MITF: variants seen among roughly 807,000 people sequenced by gnomAD.
The protein encoded by MITF is microphthalmia-associated transcription factor.
In MITF, 17 loss-of-function variants were observed where a neutral mutation model predicts 60.5. The observed-to-expected ratio is 0.28, with a 90% CI of 0.19 to 0.42. The LOEUF is 0.42. Among genes scored for constraint, MITF ranks in the 10% least tolerant of loss-of-function variants. MITF has a pLI of 1.00. For missense variants in MITF, 622 were observed against 683.5 expected, an observed-to-expected ratio of 0.91 and a Z score of 1.00; for synonymous variants, 260 against 248.5, an observed-to-expected ratio of 1.05 and a Z score of -0.43.
In MITF at chr3:69,759,944, A is replaced by AT. The variant is rs1381443727; in HGVS notation, c.104+20250dup. ...AGGCACCCGCCACCACACCTGGCTA[A>AT]TTTTTTTGTATTTTTAGTAGAGACG... On this transcript the variant is annotated intron_variant, in intron 1 of 9. Coordinates refer to ENST00000352241, the MANE Select transcript of MITF (RefSeq NM_001354604.2). Among the ~76,000 whole-genome samples, 17 of 152,166 alleles carry AT rather than the reference A, an allele frequency of 1.1e-4. 1 individual carries two copies. The East Asian group carries it at 2.9e-3, about 26-fold the overall frequency.
chr3:69,876,258 G>A (rs1464180303), intron 1 of MITF, among the ~76,000 whole-genome samples: 1 of 152,118 alleles, frequency 6.6e-6, no homozygotes, highest in African/African-American at 2.4e-5. Flanking sequence ...CAGCTAATTA[G>A]TGCGATTATT....
At chr3:69,763,484 G>A in intron 1 of MITF, 3 of 1,064,866 alleles carry the variant, frequency 2.8e-6, no homozygotes, top group Non-Finnish European at 3.4e-6. Flanking sequence ...TTTTAAGTAG[G>A]CAGCAATTAC....
Position 69,964,944 on chromosome 3 carries a change from C to T in MITF, c.1277C>T (p.Pro426Leu). Residue 426 changes from proline (P) to leucine (L), a missense_variant, in exon 10 of 10, where the codon CCC (proline) becomes CTC (leucine). Transcript: ENST00000352241. ...GTGAATCGGATCATCAAGCAAGAAC[C>T]CGTTCTTGAGAACTGCAGCCAAGAC... The part of the protein sequence containing the change: ...DLVNRIIKQE[P>L]VLENCSQDLL... 6.2e-7 allele frequency: 1 copy of T among 1,614,120 alleles called. No individual in the cohort carries two copies. The highest frequency in any genetic ancestry group is 8.5e-7 in the Non-Finnish European group (1 of 1,180,010).
intron 1 of MITF, among the ~76,000 whole-genome samples, chr3:69,837,921 G>A (rs2063564722): frequency 6.6e-6 from 1 of 152,166 alleles, no homozygotes; most frequent in Admixed American, 6.5e-5. Flanking sequence ...TTTGAAGTGT[G>A]TATGCATGTG....
At chr3:69,942,738 G>T (rs2065998119) in intron 5 of MITF, among the ~76,000 whole-genome samples, 1 of 152,040 alleles carries the variant, frequency 6.6e-6, no homozygotes, top group Admixed American at 6.6e-5. Context: ...ATCCTATGAG[G>T]CCAAACTACA....
At chr3:69,957,479 C>T (rs1451028448) in intron 8 of MITF, among the ~76,000 whole-genome samples, 1 of 152,144 alleles carries the variant, frequency 6.6e-6, no homozygotes, top group Non-Finnish European at 1.5e-5. Flanking sequence ...AATGTACAAG[C>T]ACAATTCCAT....
At position 69,846,264 on chromosome 3, in the gene MITF, T is replaced by A. The variant is rs572221070; in HGVS notation, c.105-32870T>A. Among the ~76,000 whole-genome samples the A allele has an allele frequency of 3.3e-5, 5 of 152,118 alleles. No individual in the cohort carries two copies. The East Asian group carries it at 9.7e-4, about 29-fold the overall frequency. ...CCAAGGGGCAGCAATGAGAGTAAAATCCTGAAGGAGAGAACATACTGGATT... is the reference window on the plus strand; with the variant it reads ...CCAAGGGGCAGCAATGAGAGTAAAAACCTGAAGGAGAGAACATACTGGATT... On this transcript the variant is annotated intron_variant, in intron 1 of 9. Coordinates refer to ENST00000352241, the MANE Select transcript of MITF (RefSeq NM_001354604.2).
chr3:69,754,916 T>A (rs1457285811), intron 1 of MITF, among the ~76,000 whole-genome samples: 1 of 151,070 alleles, frequency 6.6e-6, no homozygotes, highest in Non-Finnish European at 1.5e-5. Context: ...AGGCAATCAG[T>A]GTGGGGGTTG....
At chr3:69,803,331 A>G (rs1378006366) in intron 1 of MITF, among the ~76,000 whole-genome samples, 1 of 152,176 alleles carries the variant, frequency 6.6e-6, no homozygotes, top group Non-Finnish European at 1.5e-5. Flanking sequence ...CTGTCTTTTC[A>G]TAAACCCTAT....
At chr3:69,941,645 A>G (rs1233119747) in intron 5 of MITF, among the ~76,000 whole-genome samples, 2 of 152,306 alleles carry the variant, frequency 1.3e-5, no homozygotes, top group East Asian at 3.9e-4. Flanking sequence ...CAAGGGAACC[A>G]TTGTGAACTG....
chr3:69,840,462 A>G (rs993232431), intron 1 of MITF, among the ~76,000 whole-genome samples: 3 of 151,846 alleles, frequency 2.0e-5, no homozygotes, highest in Non-Finnish European at 4.4e-5. Flanking sequence ...TCAATGAGAG[A>G]AAGGGAAGAA....
intron 1 of MITF, among the ~76,000 whole-genome samples, chr3:69,874,211 C>T (rs1559689449): frequency 6.6e-6 from 1 of 152,168 alleles, no homozygotes; most frequent in Non-Finnish European, 1.5e-5. Flanking sequence ...TGCTACAATT[C>T]CTACTTTATA....
At chr3:69,828,819 T>C (rs909261096) in intron 1 of MITF, among the ~76,000 whole-genome samples, 2 of 152,186 alleles carry the variant, frequency 1.3e-5, no homozygotes, top group Non-Finnish European at 2.9e-5. Context: ...AACTTGCTAA[T>C]TTTATTCCTT....
At chr3:69,774,660 A>C (rs1268350810) in intron 1 of MITF, among the ~76,000 whole-genome samples, 1 of 152,132 alleles carries the variant, frequency 6.6e-6, no homozygotes, top group Non-Finnish European at 1.5e-5. Flanking sequence ...ACTTTCCAAG[A>C]GGTAGAAGGG....
intron 1 of MITF, among the ~76,000 whole-genome samples, chr3:69,757,783 C>T (rs997994520): frequency 4.0e-5 from 6 of 151,770 alleles, no homozygotes; most frequent in South Asian, 2.1e-4. Context: ...GTAGGATCTT[C>T]GGGCAAATTT....
At chr3:69,854,266 A>C (rs750645275) in intron 1 of MITF, among the ~76,000 whole-genome samples, 1 of 152,162 alleles carries the variant, frequency 6.6e-6, no homozygotes. Flanking sequence ...TTTGTTAATA[A>C]TTTAATGTTT....
intron 2 of MITF, among the ~76,000 whole-genome samples, chr3:69,931,200 C>T (rs552338909): frequency 3.3e-5 from 5 of 152,208 alleles, no homozygotes; most frequent in East Asian, 1.9e-4. Context: ...GCACTAATTC[C>T]GTTCTTTATA....
chr3:69,744,362 T>A (rs866461285), intron 1 of MITF, among the ~76,000 whole-genome samples: 24 of 33,290 alleles, frequency 7.2e-4, no homozygotes, highest in Non-Finnish European at 2.9e-3. Context: ...TTTTGGTCTG[T>A]CTAATCTGAG....
chr3:69,779,246 C>T (rs2062524796), intron 1 of MITF, among the ~76,000 whole-genome samples: 1 of 152,148 alleles, frequency 6.6e-6, no homozygotes, highest in Non-Finnish European at 1.5e-5. Context: ...TTTTCTTTAA[C>T]TTCTCTGAAC....
Sources: gnomAD v4.1 joint callset for allele counts (sites outside exome capture counted in the v4.1 genomes callset) on GRCh38, gnomAD v4.1.1 for gene constraint, MANE v1.5 for transcripts, NCBI Gene and HGNC (gene_info 2026-07-23, HGNC 2026-07-21) for gene names.